Variants in USP1 observed in about 807,000 individuals in gnomAD.
USP1 encodes the protein ubiquitin carboxyl-terminal hydrolase 1.
USP1 carries 18 observed loss-of-function variants against 72.2 expected under a neutral mutation model. That is an observed-to-expected ratio of 0.25 (90% CI 0.17 to 0.37). The LOEUF is 0.37. Ranked by LOEUF, USP1 falls within the 10% of genes least tolerant of loss-of-function variation. The pLI is 1.00. For missense variants in USP1, 759 were observed against 884.9 expected (o/e 0.86, Z 1.81); for synonymous variants, 354 against 303.7 (o/e 1.17, Z -1.72).
At chr1:62,448,220 A>T (rs902364771) in intron 7 of USP1, among the ~76,000 whole-genome samples, 14 of 152,226 alleles carry the variant, frequency 9.2e-5, no homozygotes, top group African/African-American at 3.4e-4. Context: ...ATTAAATGTA[A>T]ACAGACTAGG....
At position 62,444,786 on chromosome 1, in the gene USP1, A is replaced by G. The variant is rs922335668; in HGVS notation, c.606A>G (p.Glu202=). The part of the protein sequence containing the change: ...YEGYLQHDAQ[E]VLQCILGNIQ... ...GATATCTACAGCATGATGCACAGGA[A>G]GTATTACAATGTATTTTGGGAAACA... Residue 202 remains glutamate, a synonymous_variant, in exon 6 of 9, where the codon GAA becomes GAG. Coordinates refer to ENST00000339950, the MANE Select transcript of USP1 (RefSeq NM_003368.5). The G allele has an allele frequency of 6.2e-7, 1 of 1,611,812 alleles. No homozygotes were observed. Among genetic ancestry groups the G allele is most frequent in the Non-Finnish European group, 8.5e-7 (1 of 1,179,202 alleles).
chr1:62,443,128 A>G (rs1200523239), intron 4 of USP1, 31 bp from the exon 5 acceptor site: 1 of 1,594,504 alleles, frequency 6.3e-7, no homozygotes. Flanking sequence ...TGTTCATAAA[A>G]TTATTGGTTT....
chr1:62,444,223 C>CA (rs1201105070), intron 5 of USP1, among the ~76,000 whole-genome samples: 1 of 137,872 alleles, frequency 7.3e-6, no homozygotes, highest in African/African-American at 2.8e-5. Context: ...TGCGCCATTG[C>CA]AGTCCAGTCT....
At chr1:62,447,304 A>T (rs1185278136) in intron 6 of USP1, 37 bp from the exon 7 acceptor site, 1 of 1,568,478 alleles carries the variant, frequency 6.4e-7, no homozygotes, top group East Asian at 2.3e-5. Context: ...TGAGAAACTA[A>T]TCTGTATAGA....
rs775009487 is a variant in USP1 at position 62,450,524 on chromosome 1, G to C, written c.1901G>C (p.Gly634Ala). 9.9e-6 allele frequency: 16 copies of C among 1,613,890 alleles called. No homozygotes were observed. Among genetic ancestry groups the C allele is most frequent in the Non-Finnish European group, 1.4e-5 (16 of 1,180,028 alleles). ...CCATTGAATGAGGAGGAAGCAAGGG[G>C]TGTGGTTGAGAATTATAATGATGAA... ...PEPLNEEEAR[G>A]VVENYNDEEV... Residue 634 changes from glycine (G) to alanine (A), a missense_variant, in exon 9 of 9, where the codon GGT becomes GCT. Gly to Ala is a moderately conservative substitution (Grantham distance 60). Coordinates refer to ENST00000339950, the MANE Select transcript of USP1 (RefSeq NM_003368.5).
chr1:62,445,808 G>A (rs1455076117), intron 6 of USP1, among the ~76,000 whole-genome samples: 1 of 152,046 alleles, frequency 6.6e-6, no homozygotes, highest in Non-Finnish European at 1.5e-5. Context: ...GTGAAACCCC[G>A]TCTCTACTAA....
At chr1:62,441,978 T>G (rs1056568085) in intron 3 of USP1, among the ~76,000 whole-genome samples, 3 of 152,190 alleles carry the variant, frequency 2.0e-5, no homozygotes, top group Non-Finnish European at 4.4e-5. Flanking sequence ...CCTTAAAGTC[T>G]TAGCAATATC....
Position 62,451,158 on chromosome 1 carries a change from C to A in USP1, c.*177C>A. The stretch of plus-strand genomic sequence containing the variant: ...CTGAAAACCATGTTAATTTTTAGAA[C>A]TCATTTTCCTCAGTAGAGACTAGTG... On this transcript the variant is annotated 3_prime_UTR_variant, in exon 9 of 9. Coordinates refer to ENST00000339950, the MANE Select transcript of USP1 (RefSeq NM_003368.5). The A allele has an allele frequency of 1.5e-6, 1 of 645,354 alleles. No individual in the cohort carries two copies. The highest frequency in any genetic ancestry group is 2.4e-6 in the Non-Finnish European group (1 of 424,030). The allele number at this position is 645,354 out of a possible 1,614,324, so 40.0% of individuals were successfully genotyped here.
At chr1:62,436,960 A>G (rs1645092061), upstream of USP1, 1 of 395,918 alleles carries the variant, frequency 2.5e-6, no homozygotes, top group Non-Finnish European at 4.5e-6. Context: ...TGCAGCGTGG[A>G]GACTGGAACC....
In USP1 at chr1:62,451,631, CAT is replaced by C. The variant is rs1288189994; in HGVS notation, c.*653_*654del. On this transcript the variant is annotated 3_prime_UTR_variant, in exon 9 of 9. Coordinates refer to ENST00000339950, the MANE Select transcript of USP1 (RefSeq NM_003368.5). ...TGGACTAATTTGTATCTGTTTAACT[CAT>C]ATTCTGCACGATCTGTATATAGTAC... 2.6e-5 allele frequency: 4 copies of C among 152,634 alleles called. No homozygotes were observed. The highest frequency in any genetic ancestry group is 4.4e-5 in the Non-Finnish European group (3 of 68,046). 9.5% of individuals were successfully genotyped at this position (152,634 alleles called of 1,614,324 possible).
rs747889206 is a variant in USP1, at chr1:62,443,204, A to G, written c.442A>G (p.Ser148Gly). 64 of 1,613,686 alleles carry G rather than the reference A, an allele frequency of 4.0e-5. No individual in the cohort carries two copies. Among genetic ancestry groups the G allele is most frequent in the Non-Finnish European group, 5.2e-5 (61 of 1,179,944 alleles). ...TTTGGCAAGTTATGAATTGATATGC[A>G]GTTTACAGTCCTTAATCATTTCGGT... ...DSLASYELICSLQSLIISVEQ... is the reference protein window; with the variant it reads ...DSLASYELICGLQSLIISVEQ... Residue 148 changes from serine to glycine, a missense_variant, in exon 5 of 9, where the codon AGT becomes GGT. Transcript: ENST00000339950.
chr1:62,450,498 A>G lies in USP1; in HGVS notation c.1875A>G (p.Glu625=). 6.2e-7 allele frequency: 1 copy of G among 1,614,156 alleles called. No homozygotes were observed. The highest frequency in any genetic ancestry group is 8.5e-7 in the Non-Finnish European group (1 of 1,180,022). ...AAATGTGTGAAATAGGTAAGCCAGA[A>G]CCATTGAATGAGGAGGAAGCAAGGG... ...VDQMCEIGKP[E]PLNEEEARGV... Residue 625 remains glutamate, a synonymous_variant, in exon 9 of 9, where the codon GAA becomes GAG. Coordinates refer to ENST00000339950, the MANE Select transcript of USP1 (RefSeq NM_003368.5).
At chr1:62,444,091 C>T (rs1379333835) in intron 5 of USP1, among the ~76,000 whole-genome samples, 7 of 151,582 alleles carry the variant, frequency 4.6e-5, no homozygotes, top group Non-Finnish European at 1.0e-4. Flanking sequence ...AAACCCTGCC[C>T]CTACTAAAAA....
rs1645145525 is a variant in USP1 at position 62,443,229 on chromosome 1, T to C, written c.467T>C (p.Val156Ala). The change falls in exon 5 of 9, where the codon GTT becomes GCT. Residue 156 changes from valine (V) to alanine (A), a missense_variant. By Grantham distance (64) the Val-to-Ala change is moderately conservative. Around this residue, in one of 9 missense-constraint regions of USP1, gnomAD observed 71 missense variants for 71.0 expected, o/e 1.00. Transcript: ENST00000339950. ...AGTTTACAGTCCTTAATCATTTCGG[T>C]TGAACAGCTCCAGGCTAGTTTTCTC... ...ICSLQSLIIS[V>A]EQLQASFLLN... 3 of 1,614,088 alleles carry C rather than the reference T, an allele frequency of 1.9e-6. No individual in the cohort carries two copies. Among genetic ancestry groups the C allele is most frequent in the Non-Finnish European group, 2.5e-6 (3 of 1,179,998 alleles).
chr1:62,443,032 C>T (rs1645144421), intron 4 of USP1, 127 bp from the exon 5 acceptor site: 2 of 988,300 alleles, frequency 2.0e-6, no homozygotes, highest in African/African-American at 1.7e-5. Flanking sequence ...CTTATTTGTA[C>T]ATCCCTTAAA....
intron 5 of USP1, among the ~76,000 whole-genome samples, chr1:62,443,668 A>G (rs554461745): frequency 3.9e-5 from 6 of 152,350 alleles, no homozygotes; most frequent in Admixed American, 3.9e-4. Context: ...TAATCATTGA[A>G]TCTGAAAATG....
rs753822656 is a variant in USP1 at position 62,444,809 on chromosome 1, A to G, written c.629A>G (p.Asn210Ser). 1.9e-5 allele frequency: 30 copies of G among 1,613,412 alleles called. No individual in the cohort carries two copies. Among genetic ancestry groups the G allele is most frequent in the African/African-American group, 1.7e-4 (13 of 75,020 alleles). ...GAAGTATTACAATGTATTTTGGGAA[A>G]CATTCAAGAAACATGCCAACTCCTA... ...AQEVLQCILG[N>S]IQETCQLLKK... The change falls in exon 6 of 9, where the codon AAC becomes AGC. Residue 210 changes from asparagine (N) to serine (S), a missense_variant. Around this residue, in one of 9 missense-constraint regions of USP1, gnomAD observed 245 missense variants for 240.7 expected, o/e 1.02. Transcript: ENST00000339950.
chr1:62,449,331 G>T (rs563486627), intron 8 of USP1, among the ~76,000 whole-genome samples: 2 of 152,152 alleles, frequency 1.3e-5, no homozygotes, highest in Admixed American at 1.3e-4. Context: ...TAGTTTTAAG[G>T]TAAGCCAGGA....
intron 1 of USP1, among the ~76,000 whole-genome samples, chr1:62,439,573 G>A (rs1453413585): frequency 2.0e-5 from 3 of 152,224 alleles, no homozygotes; most frequent in Admixed American, 2.0e-4. Flanking sequence ...TCCATAGCAG[G>A]CTGATTTTAA....
Sources: gnomAD v4.1 joint callset for allele counts (sites outside exome capture counted in the v4.1 genomes callset) on GRCh38, gnomAD v4.1.1 for gene constraint, gnomAD v4.1.1 regional missense constraint, MANE v1.5 for transcripts, NCBI Gene and HGNC (gene_info 2026-07-23, HGNC 2026-07-21) for gene names.